The following MDGA2 variants were observed in gnomAD, a reference collection of about 807,000 sequenced individuals.
MDGA2 encodes the protein MAM domain-containing glycosylphosphatidylinositol anchor protein 2.
Under a neutral mutation model 117.8 loss-of-function variants are expected in MDGA2, and 40 were observed. The ratio of observed to expected loss-of-function variants is 0.34; its 90% CI spans 0.26 to 0.44. The LOEUF (loss-of-function observed/expected upper bound fraction) is 0.44, where lower values mean the gene tolerates loss of function less well. Ranked by LOEUF, MDGA2 falls within the 20% of genes least tolerant of loss-of-function variation. The pLI, the probability that MDGA2 is intolerant of heterozygous loss-of-function variation, is 1.00. For missense variants in MDGA2, 1,123 were observed against 1,250.6 expected, an observed-to-expected ratio of 0.90 and a Z score of 1.54; for synonymous variants, 452 against 439.0, an observed-to-expected ratio of 1.03 and a Z score of -0.37.
intron 2 of MDGA2, among the ~76,000 whole-genome samples, chr14:47,230,157 A>T (rs1886641288): frequency 6.6e-6 from 1 of 152,040 alleles, no homozygotes; most frequent in South Asian, 2.1e-4. Context: ...GAGTATTAGA[A>T]ATGTAATAAA....
chr14:47,102,100 A>G (rs937545090), intron 5 of MDGA2, among the ~76,000 whole-genome samples: 6 of 152,142 alleles, frequency 3.9e-5, no homozygotes, highest in Admixed American at 2.6e-4. Flanking sequence ...AAAATCTGAA[A>G]GCAGGATACA....
In MDGA2 at chr14:47,563,856, G is replaced by A. The variant is rs74798072; in HGVS notation, c.280+110661C>T. On this transcript the variant is annotated intron_variant, in intron 1 of 16. Coordinates refer to ENST00000399232, the MANE Select transcript of MDGA2 (RefSeq NM_001113498.3). ...GTGTGGTTGCTTTATGGTATCACTG[G>A]TTTATGTACTGTATGTGTTTTTGTA... 2.0e-4 allele frequency among the ~76,000 whole-genome samples: 30 copies of A among 151,996 alleles called. No homozygotes were observed. In the East Asian group the frequency reaches 5.4e-3, roughly 27 times the overall value.
intron 1 of MDGA2, among the ~76,000 whole-genome samples, chr14:47,426,092 G>T (rs1007576593): frequency 6.6e-6 from 1 of 152,000 alleles, no homozygotes; most frequent in Admixed American, 6.6e-5. Flanking sequence ...ATTTTGTAGA[G>T]TATATAAAAT....
At chr14:47,517,477 C>T (rs140508881) in intron 1 of MDGA2, among the ~76,000 whole-genome samples, 3 of 151,826 alleles carry the variant, frequency 2.0e-5, no homozygotes, top group Non-Finnish European at 1.5e-5. Flanking sequence ...TTTTAATCTT[C>T]ATTTTAAAAA....
At chr14:46,874,816 G>A (rs1339489477) in intron 12 of MDGA2, among the ~76,000 whole-genome samples, 2 of 151,496 alleles carry the variant, frequency 1.3e-5, no homozygotes, top group Non-Finnish European at 3.0e-5. Context: ...AGACTTTGAA[G>A]GACTGTGATT....
intron 1 of MDGA2, among the ~76,000 whole-genome samples, chr14:47,533,108 T>C (rs2138736726): frequency 6.6e-6 from 1 of 152,354 alleles, no homozygotes; most frequent in South Asian, 2.1e-4. Context: ...ATCATTAAAG[T>C]CAATCACTGA....
In MDGA2 at chr14:46,874,568, A is replaced by T. The variant is rs373144242; in HGVS notation, c.2438-368T>A. Among the ~76,000 whole-genome samples the T allele has an allele frequency of 2.2e-4, 33 of 151,988 alleles. No homozygotes were observed. The East Asian group carries it at 5.4e-3, about 25-fold the overall frequency. ...ATCAAAACAAAACTGTCAATTGGAA[A>T]ATTACCTTTATTAATTTACCTGAGG... On this transcript the variant is annotated intron_variant, in intron 12 of 16. Transcript: ENST00000399232.
At chr14:47,278,260 G>T (rs1178001235) in intron 2 of MDGA2, among the ~76,000 whole-genome samples, 2 of 152,048 alleles carry the variant, frequency 1.3e-5, no homozygotes, top group Non-Finnish European at 2.9e-5. Context: ...GGTTACTCTT[G>T]GAGAATATTT....
chr14:47,177,339 G>C (rs550469850), intron 3 of MDGA2, among the ~76,000 whole-genome samples: 1 of 152,258 alleles, frequency 6.6e-6, no homozygotes, highest in South Asian at 2.1e-4. Context: ...CTGCTATAAA[G>C]ACACATGCAC....
At chr14:47,234,483 G>GCA in intron 2 of MDGA2, among the ~76,000 whole-genome samples, 1 of 152,108 alleles carries the variant, frequency 6.6e-6, no homozygotes, top group East Asian at 1.9e-4. Flanking sequence ...TATTCCGAAT[G>GCA]CACATCTACC....
chr14:47,169,254 A>G (rs1029877922), intron 3 of MDGA2, among the ~76,000 whole-genome samples: 8 of 151,956 alleles, frequency 5.3e-5, no homozygotes, highest in South Asian at 2.1e-4. Flanking sequence ...GACAACTTTA[A>G]CAACTAATTT....
chr14:46,875,321 T>C (rs577520201), intron 12 of MDGA2, among the ~76,000 whole-genome samples: 19 of 151,910 alleles, frequency 1.3e-4, no homozygotes, highest in Non-Finnish European at 2.4e-4. Context: ...AAATTTTTGG[T>C]ACTTACAAAT....
At chr14:46,959,239 G>C (rs1164248642) in intron 8 of MDGA2, among the ~76,000 whole-genome samples, 1 of 140,680 alleles carries the variant, frequency 7.1e-6, no homozygotes. Context: ...TTTATCTCCA[G>C]CAATGCTATA....
intron 6 of MDGA2, among the ~76,000 whole-genome samples, chr14:47,063,101 C>G (rs1024472466): frequency 1.3e-5 from 2 of 152,166 alleles, no homozygotes; most frequent in East Asian, 3.9e-4. Context: ...ATTCACACAA[C>G]ATTTATGATA....
rs545951094 is a variant in MDGA2, at chr14:47,561,001, A to G, written c.280+113516T>C. On this transcript the variant is annotated intron_variant, in intron 1 of 16. Coordinates refer to ENST00000399232, the MANE Select transcript of MDGA2 (RefSeq NM_001113498.3). ...CAATTTTGTTGAAGATTTGATGGTT[A>G]TAGGTGTGCAGCATTATTTCTGGGC... Among the ~76,000 whole-genome samples the G allele has an allele frequency of 1.0e-3, 158 of 152,148 alleles. 1 individual carries two copies. Among genetic ancestry groups the G allele is most frequent in the African/African-American group, 3.4e-3 (142 of 41,540 alleles).
intron 1 of MDGA2, among the ~76,000 whole-genome samples, chr14:47,335,924 T>G (rs1890442920): frequency 6.6e-6 from 1 of 150,874 alleles, no homozygotes; most frequent in Non-Finnish European, 1.5e-5. Context: ...CATTTGTGGG[T>G]TCTAGTGAAG....
chr14:47,536,492 G>A (rs557403564), intron 1 of MDGA2, among the ~76,000 whole-genome samples: 2 of 152,272 alleles, frequency 1.3e-5, no homozygotes, highest in African/African-American at 4.8e-5. Flanking sequence ...CAAGCATTTT[G>A]TCACTTAAGA....
At chr14:47,444,572 C>T (rs1890800) in intron 1 of MDGA2, 153,243 of 153,388 alleles carry the variant, frequency 1, 76,549 homozygotes, top group Non-Finnish European at 1. Flanking sequence ...TCTAAATGAA[C>T]GGTGATTTGA....
chr14:47,254,364 G>C (rs1175297571), intron 2 of MDGA2, among the ~76,000 whole-genome samples: 1 of 152,130 alleles, frequency 6.6e-6, no homozygotes, highest in Non-Finnish European at 1.5e-5. Context: ...TCTTCCACCA[G>C]ATACCCTAAA....
Sources: allele counts gnomAD v4.1 joint callset (sites outside exome capture counted in the v4.1 genomes callset), GRCh38; gene constraint gnomAD v4.1.1; transcripts MANE v1.5; gene names NCBI Gene and HGNC (gene_info 2026-07-23, HGNC 2026-07-21).